Variants in ABHD17C observed in about 807,000 individuals in gnomAD.
ABHD17C encodes the protein alpha/beta hydrolase domain-containing protein 17C.
In ABHD17C, 11 loss-of-function variants were observed where a neutral mutation model predicts 27.9. That is an observed-to-expected ratio of 0.39 (90% CI 0.25 to 0.65). ABHD17C has a LOEUF of 0.65. ABHD17C is among the 30% of genes least tolerant of loss of function. The probability of loss-of-function intolerance (pLI) is 0.45; values close to 1 mark genes in which losing one functional copy is unlikely to be tolerated. For missense variants in ABHD17C, 280 were observed against 470.2 expected (o/e 0.60, Z 3.74); for synonymous variants, 233 against 209.1 (o/e 1.11, Z -0.98).
rs1260143460 is a variant in ABHD17C at position 80,696,032 on chromosome 15, G to A, written c.590+13G>A. On this transcript the variant is annotated intron_variant, in intron 1 of 2. Transcript: ENST00000258884. ...CGCTGCGCACCCGGTGAGCCTGCCG[G>A]GGTCGCCAGGCCTGACTTCCAGCTG... 6.5e-7 allele frequency: 1 copy of A among 1,547,246 alleles called. No homozygotes were observed. The highest frequency in any genetic ancestry group is 8.7e-7 in the Non-Finnish European group (1 of 1,151,280).
intron 1 of ABHD17C, among the ~76,000 whole-genome samples, chr15:80,739,934 T>C (rs1895185714): frequency 6.6e-6 from 1 of 152,198 alleles, no homozygotes; most frequent in Admixed American, 6.5e-5. Flanking sequence ...GTCACACATC[T>C]ATTCTGCAGA....
At chr15:80,696,504 G>T (rs1894497084) in intron 1 of ABHD17C, among the ~76,000 whole-genome samples, 1 of 152,200 alleles carries the variant, frequency 6.6e-6, no homozygotes, top group Non-Finnish European at 1.5e-5. Context: ...GTTGTAAAGT[G>T]CGGGCAGGAC....
chr15:80,728,993 A>G (rs1247592114), intron 1 of ABHD17C, among the ~76,000 whole-genome samples: 1 of 152,228 alleles, frequency 6.6e-6, no homozygotes, highest in Non-Finnish European at 1.5e-5. Flanking sequence ...ACGAATTGGC[A>G]AGACTTTAAA....
intron 1 of ABHD17C, among the ~76,000 whole-genome samples, chr15:80,742,086 A>G (rs1045847353): frequency 4.6e-5 from 7 of 152,204 alleles, no homozygotes; most frequent in African/African-American, 1.7e-4. Flanking sequence ...AGCTGTAGGT[A>G]ATTGAAACCG....
At chr15:80,747,519 A>G (rs914667666) in intron 1 of ABHD17C, among the ~76,000 whole-genome samples, 2 of 152,136 alleles carry the variant, frequency 1.3e-5, no homozygotes, top group Non-Finnish European at 2.9e-5. Flanking sequence ...GTCCTCGTGG[A>G]GGGTGCTTTG....
At chr15:80,725,851 C>G (rs1437348909) in intron 1 of ABHD17C, among the ~76,000 whole-genome samples, 5 of 151,832 alleles carry the variant, frequency 3.3e-5, no homozygotes, top group Non-Finnish European at 7.4e-5. Flanking sequence ...TTTATATAGG[C>G]TATTGTTGCT....
chr15:80,710,345 C>G (rs1019449066), intron 1 of ABHD17C, among the ~76,000 whole-genome samples: 1 of 152,126 alleles, frequency 6.6e-6, no homozygotes, highest in Non-Finnish European at 1.5e-5. Flanking sequence ...TAGGGCCTTG[C>G]AGACCATTGC....
intron 1 of ABHD17C, among the ~76,000 whole-genome samples, chr15:80,732,940 G>A (rs1423205439): frequency 6.6e-6 from 1 of 152,196 alleles, no homozygotes; most frequent in Non-Finnish European, 1.5e-5. Context: ...ATGGAAACAG[G>A]AAAGTGGCCT....
At chr15:80,706,699 G>C (rs941037325) in intron 1 of ABHD17C, among the ~76,000 whole-genome samples, 9 of 152,182 alleles carry the variant, frequency 5.9e-5, no homozygotes, top group Admixed American at 3.3e-4. Flanking sequence ...TTTGGAGACT[G>C]TCATGGACAT....
rs1895408134 is a variant in ABHD17C at position 80,754,457 on chromosome 15, T to G, written c.*87T>G. On this transcript the variant is annotated 3_prime_UTR_variant, in exon 3 of 3. Transcript: ENST00000258884. ...CTTTAACTGGGTAGCTGTAAAGGCT[T>G]GATAACCATGAAGAAGTGCCCAACC... The G allele has an allele frequency of 8.5e-6, 10 of 1,179,708 alleles. No individual in the cohort carries two copies. Among genetic ancestry groups the G allele is most frequent in the East Asian group, 7.7e-5 (3 of 39,114 alleles). 73.1% of individuals were successfully genotyped at this position (1,179,708 alleles called of 1,614,324 possible).
intron 1 of ABHD17C, among the ~76,000 whole-genome samples, chr15:80,713,481 T>C (rs1894757437): frequency 6.8e-6 from 1 of 146,330 alleles, no homozygotes; most frequent in African/African-American, 2.5e-5. Context: ...AACAGAGCCC[T>C]GGTCTGGAGC....
intron 1 of ABHD17C, among the ~76,000 whole-genome samples, chr15:80,743,093 A>G (rs1364675881): frequency 6.6e-6 from 1 of 152,108 alleles, no homozygotes; most frequent in Non-Finnish European, 1.5e-5. Flanking sequence ...TTAGATTCAG[A>G]GACTTGGATA....
At chr15:80,750,204 G>T (rs1205775443) in intron 2 of ABHD17C, among the ~76,000 whole-genome samples, 1 of 152,124 alleles carries the variant, frequency 6.6e-6, no homozygotes, top group Non-Finnish European at 1.5e-5. Flanking sequence ...GTAAATAGAA[G>T]AATAAAGGCA....
Position 80,695,395 on chromosome 15 carries a change from C to CCAGA in ABHD17C, c.-32_-31insACAG. The CCAGA allele has an allele frequency of 8.4e-7, 1 of 1,186,608 alleles. No homozygotes were observed. The highest frequency in any genetic ancestry group is 1.1e-6 in the Non-Finnish European group (1 of 950,368). 73.5% of individuals were successfully genotyped at this position (1,186,608 alleles called of 1,614,324 possible). ...CCTCCCGGGCCAGCCAGCCAGCCAG[C>CCAGA]CAGCCGGGCCGGCGGCGGGCACCAG... is the stretch of plus-strand genomic sequence containing the variant. On this transcript the variant is annotated 5_prime_UTR_variant, in exon 1 of 3. Coordinates refer to ENST00000258884, the MANE Select transcript of ABHD17C (RefSeq NM_021214.2). This position sits in a 1 kb window ranked among gnomAD's most constrained non-coding sequence, Gnocchi z 4.3.
At chr15:80,753,722 G>C (rs1895394642) in intron 2 of ABHD17C, among the ~76,000 whole-genome samples, 1 of 151,930 alleles carries the variant, frequency 6.6e-6, no homozygotes, top group African/African-American at 2.4e-5. Context: ...TGTATACACT[G>C]TATTATCTTT....
intron 1 of ABHD17C, among the ~76,000 whole-genome samples, chr15:80,708,532 G>T (rs1431916728): frequency 1.3e-5 from 2 of 152,180 alleles, no homozygotes; most frequent in Non-Finnish European, 2.9e-5. Flanking sequence ...GGCCAGACTG[G>T]TCTCGAACTC....
chr15:80,730,804 T>G (rs1301225250), intron 1 of ABHD17C, among the ~76,000 whole-genome samples: 3 of 152,156 alleles, frequency 2.0e-5, no homozygotes, highest in African/African-American at 7.2e-5. Flanking sequence ...CTCCAAAAAC[T>G]GGGTTATAAG....
chr15:80,702,285 G>C (rs1018505688), intron 1 of ABHD17C, among the ~76,000 whole-genome samples: 1 of 152,088 alleles, frequency 6.6e-6, no homozygotes, highest in Non-Finnish European at 1.5e-5. Flanking sequence ...GATTGCTTGA[G>C]CCCAGGAGTC....
At chr15:80,718,523 G>A (rs1266014423) in intron 1 of ABHD17C, among the ~76,000 whole-genome samples, 2 of 151,864 alleles carry the variant, frequency 1.3e-5, no homozygotes, top group African/African-American at 4.8e-5. Flanking sequence ...TAGTAGAGAC[G>A]AGGTTTCACC....
Sources: allele counts gnomAD v4.1 joint callset (sites outside exome capture counted in the v4.1 genomes callset), GRCh38; gene constraint gnomAD v4.1.1; non-coding constraint Gnocchi (gnomAD v3.1); transcripts MANE v1.5; gene names NCBI Gene and HGNC (gene_info 2026-07-23, HGNC 2026-07-21).